Variants in DPH6 observed in about 807,000 individuals in gnomAD.
The protein encoded by DPH6 is diphthine--ammonia ligase.
A neutral mutation model predicts 38.2 loss-of-function variants in DPH6; 33 were observed. The ratio of observed to expected loss-of-function variants is 0.86; its 90% CI spans 0.65 to 1.15. The LOEUF (loss-of-function observed/expected upper bound fraction) is 1.15. Ranked by LOEUF, DPH6 falls within the 50% of genes most tolerant of loss-of-function variation. The pLI is 0.00. For missense variants in DPH6, 325 were observed against 320.0 expected (o/e 1.02, Z -0.12); for synonymous variants, 108 against 103.0 (o/e 1.05, Z -0.30).
intron 3 of DPH6, among the ~76,000 whole-genome samples, chr15:35,271,603 A>G (rs2051823108): frequency 6.6e-6 from 1 of 152,212 alleles, no homozygotes; most frequent in Non-Finnish European, 1.5e-5. Flanking sequence ...TGACCACTCA[A>G]GTATTCACTT....
intron 3 of DPH6, among the ~76,000 whole-genome samples, chr15:35,517,352 A>G (rs11858102): frequency 0.11 from 16,893 of 152,126 alleles, 1,457 homozygotes; most frequent in African/African-American, 0.25. Flanking sequence ...TGTCTTCGGT[A>G]ATGTAATCTA....
At chr15:35,378,968 G>C (rs1257430744) in intron 7 of DPH6, among the ~76,000 whole-genome samples, 2 of 152,112 alleles carry the variant, frequency 1.3e-5, no homozygotes, top group African/African-American at 2.4e-5. Context: ...GAACTTAAAA[G>C]TATAATTTAC....
At chr15:35,496,567 A>AAAAAAAAAATATATATATATATATATAT in intron 3 of DPH6, among the ~76,000 whole-genome samples, 1 of 31,010 alleles carries the variant, frequency 3.2e-5, no homozygotes, top group African/African-American at 1.4e-4. Flanking sequence ...AAAAAAAAAA[A>AAAAAAAAAATATATATATATATATATAT]ATATATATAT....
intron 3 of DPH6, among the ~76,000 whole-genome samples, chr15:35,502,200 A>G: frequency 6.6e-6 from 1 of 152,120 alleles, no homozygotes; most frequent in East Asian, 1.9e-4. Context: ...CATCACAGGA[A>G]TATGTACATT....
At position 35,305,545 on chromosome 15, in the gene DPH6, T is replaced by G. The variant is rs182715805; in HGVS notation, n.200+67976A>C. On this transcript the variant is annotated intron_variant and non_coding_transcript_variant, in intron 3 of 3. Coordinates refer to the DPH6 transcript ENST00000560386. ...TAATTGACTTGAGATCTACCATCTC[T>G]TGACTTGCCATAAAACCACCTGTAT... 1.6e-3 allele frequency among the ~76,000 whole-genome samples: 247 copies of G among 152,252 alleles called. 4 individuals carry two copies. The highest frequency in any genetic ancestry group is 0.016 in the Admixed American group (238 of 15,266).
At chr15:35,256,962 C>T (rs1273322597) in intron 3 of DPH6, among the ~76,000 whole-genome samples, 1 of 152,144 alleles carries the variant, frequency 6.6e-6, no homozygotes, top group Admixed American at 6.5e-5. Context: ...TAAAAAGAGT[C>T]TGTTGGTAAA....
chr15:35,213,070 G>A (rs139122757), downstream of DPH6, among the ~76,000 whole-genome samples: 2 of 152,306 alleles, frequency 1.3e-5, no homozygotes, highest in African/African-American at 4.8e-5. Flanking sequence ...TCTGATTTGG[G>A]AAAGAATTAA....
At chr15:35,415,057 C>T (rs2053418631) in intron 5 of DPH6, among the ~76,000 whole-genome samples, 1 of 151,920 alleles carries the variant, frequency 6.6e-6, no homozygotes, top group African/African-American at 2.4e-5. Context: ...CAGTCCTGTT[C>T]ACTACTTTTT....
Position 35,461,993 on chromosome 15 carries a change from A to G in DPH6, c.313-7173T>C, listed in dbSNP as rs1448996362. Among the ~76,000 whole-genome samples, 13 of 152,240 alleles carry G rather than the reference A, an allele frequency of 8.5e-5. No homozygotes were observed. In the East Asian group the frequency reaches 2.5e-3, roughly 29 times the overall value. ...TCCATCCCACACAGAAATCCTCCCT[A>G]TTGCTCCTCATTTTAGGAAATGGCA... On this transcript the variant is annotated intron_variant, in intron 3 of 8. Transcript: ENST00000256538.
intron 3 of DPH6, among the ~76,000 whole-genome samples, chr15:35,487,838 C>T (rs758843187): frequency 5.9e-5 from 9 of 152,118 alleles, no homozygotes; most frequent in South Asian, 2.1e-4. Context: ...CTTTACACTC[C>T]GCTTCCCTTT....
At chr15:35,501,594 G>T (rs2054628552) in intron 3 of DPH6, among the ~76,000 whole-genome samples, 1 of 152,072 alleles carries the variant, frequency 6.6e-6, no homozygotes, top group Admixed American at 6.6e-5. Context: ...TGGAAAGTCA[G>T]TACAGTTATT....
At chr15:35,415,809 T>C (rs1400241719) in intron 5 of DPH6, among the ~76,000 whole-genome samples, 1 of 152,020 alleles carries the variant, frequency 6.6e-6, no homozygotes, top group Non-Finnish European at 1.5e-5. Flanking sequence ...ATTTAAAACA[T>C]TAGAGAAAAA....
At chr15:35,416,090 A>G (rs957460229) in intron 5 of DPH6, among the ~76,000 whole-genome samples, 3 of 151,944 alleles carry the variant, frequency 2.0e-5, no homozygotes, top group African/African-American at 7.2e-5. Flanking sequence ...TGGAAGAAGA[A>G]TTGTCTTGGG....
intron 3 of DPH6, among the ~76,000 whole-genome samples, chr15:35,231,921 C>T (rs914368824): frequency 6.6e-6 from 1 of 152,112 alleles, no homozygotes; most frequent in Non-Finnish European, 1.5e-5. Flanking sequence ...CACGGGTAGG[C>T]ACCAAGCTAT....
intron 5 of DPH6, among the ~76,000 whole-genome samples, chr15:35,412,281 CAAG>C (rs910470529): frequency 1.3e-5 from 2 of 151,518 alleles, no homozygotes; most frequent in Admixed American, 6.6e-5. Context: ...GCAAATAAAA[CAAG>C]AAGAAGAAAC....
chr15:35,236,377 G>A (rs200907043), intron 3 of DPH6, among the ~76,000 whole-genome samples: 5 of 152,174 alleles, frequency 3.3e-5, no homozygotes, highest in East Asian at 3.8e-4. Flanking sequence ...GGTGGCTCAC[G>A]CCTGTAATCC....
At chr15:35,519,190 T>C (rs2054887555) in intron 3 of DPH6, 1 of 151,788 alleles carries the variant, frequency 6.6e-6, no homozygotes, top group South Asian at 2.1e-4. Context: ...AAAAAGGAAA[T>C]CTAAAATTTA....
chr15:35,390,730 G>C (rs2053043253), intron 6 of DPH6, among the ~76,000 whole-genome samples: 1 of 152,144 alleles, frequency 6.6e-6, no homozygotes, highest in Admixed American at 6.5e-5. Context: ...GGTTATTCTA[G>C]TTATCGATTT....
chr15:35,330,058 T>C (rs2052315389), downstream of DPH6, among the ~76,000 whole-genome samples: 1 of 152,202 alleles, frequency 6.6e-6, no homozygotes, highest in South Asian at 2.1e-4. Flanking sequence ...AGATTTACAC[T>C]AAACACTATG....
Sources: allele counts gnomAD v4.1 joint callset (sites outside exome capture counted in the v4.1 genomes callset), GRCh38; gene constraint gnomAD v4.1.1; transcripts MANE v1.5; gene names NCBI Gene and HGNC (gene_info 2026-07-23, HGNC 2026-07-21).